PRKG1: variants seen among roughly 807,000 people sequenced by gnomAD.
PRKG1 encodes cGMP-dependent protein kinase 1.
Under a neutral mutation model 88.1 loss-of-function variants are expected in PRKG1, and 35 were observed. That is an observed-to-expected ratio of 0.40 (90% confidence interval 0.30 to 0.53). The LOEUF (loss-of-function observed/expected upper bound fraction) is 0.53. PRKG1 is among the 20% of genes least tolerant of loss of function. PRKG1 has a pLI of 0.59. For missense variants in PRKG1, 540 were observed against 839.8 expected, an observed-to-expected ratio of 0.64 and a Z score of 4.41; for synonymous variants, 303 against 292.5, an observed-to-expected ratio of 1.04 and a Z score of -0.37.
intron 3 of PRKG1, among the ~76,000 whole-genome samples, chr10:51,600,395 T>A (rs2132224652): frequency 6.6e-6 from 1 of 152,246 alleles, no homozygotes; most frequent in East Asian, 1.9e-4. Flanking sequence ...AAGCTGGAAG[T>A]TGGGATACTT....
At chr10:50,999,662 TA>T (rs1478886958) in intron 1 of PRKG1, among the ~76,000 whole-genome samples, 2 of 152,260 alleles carry the variant, frequency 1.3e-5, no homozygotes, top group Non-Finnish European at 2.9e-5. Flanking sequence ...TTTATTCAAC[TA>T]TATGGTACTG....
At chr10:52,027,678 G>A (rs550633059) in intron 5 of PRKG1, among the ~76,000 whole-genome samples, 1 of 152,256 alleles carries the variant, frequency 6.6e-6, no homozygotes, top group African/African-American at 2.4e-5. Flanking sequence ...TGGAAAATGT[G>A]TCCCTTAGTC....
chr10:51,293,119 A>G (rs917458004), intron 2 of PRKG1, among the ~76,000 whole-genome samples: 2 of 152,122 alleles, frequency 1.3e-5, no homozygotes, highest in African/African-American at 4.8e-5. Context: ...TGAAGTTTTG[A>G]TATACATATA....
At chr10:52,208,445 C>T (rs1424696155) in intron 9 of PRKG1, among the ~76,000 whole-genome samples, 1 of 152,192 alleles carries the variant, frequency 6.6e-6, no homozygotes, top group East Asian at 1.9e-4. Flanking sequence ...ACATTTATCA[C>T]ATCACAGAAG....
intron 3 of PRKG1, among the ~76,000 whole-genome samples, chr10:51,634,685 A>T (rs1287728834): frequency 2.0e-5 from 3 of 152,126 alleles, no homozygotes; most frequent in Non-Finnish European, 4.4e-5. Flanking sequence ...TGATTTCCAT[A>T]TGAAGCTAGA....
chr10:52,068,040 TA>T, intron 7 of PRKG1, among the ~76,000 whole-genome samples: 1 of 137,130 alleles, frequency 7.3e-6, no homozygotes, highest in Non-Finnish European at 1.6e-5. Flanking sequence ...CCGTCTCTAC[TA>T]AAAATACAAA....
intron 1 of PRKG1, among the ~76,000 whole-genome samples, chr10:51,039,252 C>T (rs1843390311): frequency 2.0e-5 from 3 of 152,042 alleles, no homozygotes; most frequent in Non-Finnish European, 4.4e-5. Context: ...TTTGTTATTG[C>T]CTGTTTTTGG....
At chr10:52,086,359 T>C (rs147039418) in intron 7 of PRKG1, among the ~76,000 whole-genome samples, 3 of 152,150 alleles carry the variant, frequency 2.0e-5, no homozygotes, top group Non-Finnish European at 2.9e-5. Flanking sequence ...TTTTTTGAAC[T>C]TTATTTTTCT....
intron 5 of PRKG1, among the ~76,000 whole-genome samples, chr10:52,006,122 A>C (rs1402650197): frequency 2.0e-5 from 3 of 152,198 alleles, no homozygotes; most frequent in African/African-American, 4.8e-5. Context: ...GTCTATCAAA[A>C]AGACAGCAAC....
chr10:52,049,601 G>A (rs1167954962), intron 5 of PRKG1, among the ~76,000 whole-genome samples: 1 of 152,134 alleles, frequency 6.6e-6, no homozygotes, highest in African/African-American at 2.4e-5. Context: ...GGGGTATGAT[G>A]AGTAGACAAG....
chr10:51,934,475 G>A (rs1225998152), intron 5 of PRKG1, among the ~76,000 whole-genome samples: 1 of 152,096 alleles, frequency 6.6e-6, no homozygotes, highest in African/African-American at 2.4e-5. Flanking sequence ...GATATATTAA[G>A]TTGCTCTACA....
intron 5 of PRKG1, among the ~76,000 whole-genome samples, chr10:51,969,002 A>G (rs1189454841): frequency 6.6e-6 from 1 of 152,134 alleles, no homozygotes; most frequent in Non-Finnish European, 1.5e-5. Context: ...AATCACTTTA[A>G]TGATTCTAAA....
At chr10:52,036,482 C>CT (rs1261082388) in intron 5 of PRKG1, among the ~76,000 whole-genome samples, 3 of 151,460 alleles carry the variant, frequency 2.0e-5, no homozygotes, top group Non-Finnish European at 4.4e-5. Context: ...AGGCTTTAAT[C>CT]TTTTTAAAGC....
At chr10:51,436,944 C>T (rs768578047) in intron 2 of PRKG1, among the ~76,000 whole-genome samples, 10 of 151,986 alleles carry the variant, frequency 6.6e-5, no homozygotes, top group Admixed American at 1.3e-4. Context: ...CAGAGTTATG[C>T]GACATGGAAT....
intron 9 of PRKG1, among the ~76,000 whole-genome samples, chr10:52,188,501 T>C (rs1839279455): frequency 6.6e-6 from 1 of 151,358 alleles, no homozygotes; most frequent in Non-Finnish European, 1.5e-5. Flanking sequence ...CACAGGCATG[T>C]GCCACCATGC....
intron 2 of PRKG1, among the ~76,000 whole-genome samples, chr10:51,205,755 A>C (rs997699500): frequency 1.3e-5 from 2 of 151,926 alleles, no homozygotes; most frequent in Non-Finnish European, 2.9e-5. Context: ...GCTGGTCTCA[A>C]GCTCCTGGCC....
chr10:51,833,124 A>G (rs978894364), intron 4 of PRKG1, among the ~76,000 whole-genome samples: 5 of 152,172 alleles, frequency 3.3e-5, no homozygotes, highest in African/African-American at 1.2e-4. Flanking sequence ...CATGAATGGC[A>G]ACAAATCTGC....
At chr10:51,430,770 A>G (rs1254547771) in intron 2 of PRKG1, among the ~76,000 whole-genome samples, 1 of 152,244 alleles carries the variant, frequency 6.6e-6, no homozygotes, top group African/African-American at 2.4e-5. Context: ...TCACAATGAA[A>G]AGGAATGAAT....
chr10:51,357,358 C>T (rs778872336), intron 2 of PRKG1, among the ~76,000 whole-genome samples: 2 of 151,940 alleles, frequency 1.3e-5, no homozygotes, highest in African/African-American at 4.8e-5. Flanking sequence ...AGAGGGAAAG[C>T]AGCTTCTGTC....
Sources: gnomAD v4.1 joint callset for allele counts (sites outside exome capture counted in the v4.1 genomes callset) on GRCh38, gnomAD v4.1.1 for gene constraint, MANE v1.5 for transcripts, NCBI Gene and HGNC (gene_info 2026-07-23, HGNC 2026-07-21) for gene names.